The following PLXNC1 variants were observed in gnomAD, a reference collection of about 807,000 sequenced individuals.
The protein encoded by PLXNC1 is plexin-C1.
In PLXNC1, 75 loss-of-function variants were observed where a neutral mutation model predicts 178.2. The ratio of observed to expected loss-of-function variants is 0.42; its 90% CI spans 0.35 to 0.51. PLXNC1 has a LOEUF of 0.51. Ranked by LOEUF, PLXNC1 falls within the 20% of genes least tolerant of loss-of-function variation. The pLI, the probability that PLXNC1 is intolerant of heterozygous loss-of-function variation, is 0.02. For synonymous variants in PLXNC1, 790 were observed against 779.9 expected, an observed-to-expected ratio of 1.01 and a Z score of -0.22; for missense variants, 1,503 against 1,984.4, an observed-to-expected ratio of 0.76 and a Z score of 4.61.
chr12:94,290,882 G>A (rs1038234685), intron 23 of PLXNC1, among the ~76,000 whole-genome samples: 4 of 152,222 alleles, frequency 2.6e-5, no homozygotes, highest in African/African-American at 9.6e-5. Context: ...CAGTCCTCCA[G>A]AAACAGTTCC....
chr12:94,152,122 A>C (rs3847799), intron 1 of PLXNC1, among the ~76,000 whole-genome samples: 120,513 of 152,170 alleles, frequency 0.79, 47,822 homozygotes, highest in East Asian at 0.95. Context: ...CAGCCAAGTT[A>C]AATAATATAC....
At chr12:94,232,530 G>C (rs1964133669) in intron 9 of PLXNC1, among the ~76,000 whole-genome samples, 1 of 152,176 alleles carries the variant, frequency 6.6e-6, no homozygotes, top group Non-Finnish European at 1.5e-5. Context: ...ATAGAGCCGG[G>C]TACTGTAGAA....
rs183214640 is a variant in PLXNC1, at chr12:94,235,848, C to T, written c.1981-1816C>T. On this transcript the variant is annotated intron_variant, in intron 9 of 30. Transcript: ENST00000258526. ...AAAGCAGGTAGCGGGCAGGATCTGGCCCACAGACTATAGTTTGCCAACTCC... is the reference window on the plus strand; with the variant it reads ...AAAGCAGGTAGCGGGCAGGATCTGGTCCACAGACTATAGTTTGCCAACTCC... Among the ~76,000 whole-genome samples, 258 of 152,194 alleles carry T rather than the reference C, an allele frequency of 1.7e-3. 1 individual carries two copies. The highest frequency in any genetic ancestry group is 6.1e-3 in the African/African-American group (253 of 41,534).
chr12:94,271,776 T>C (rs1476829686), intron 21 of PLXNC1, among the ~76,000 whole-genome samples: 1 of 152,242 alleles, frequency 6.6e-6, no homozygotes, highest in Non-Finnish European at 1.5e-5. Context: ...AGGTGTGCTT[T>C]TCTCTTGTCT....
intron 23 of PLXNC1, among the ~76,000 whole-genome samples, chr12:94,284,114 G>T (rs749789143): frequency 6.7e-6 from 1 of 149,548 alleles, no homozygotes; most frequent in Non-Finnish European, 1.5e-5. Context: ...AAAAAGCAGG[G>T]TTTGCAAAAT....
intron 5 of PLXNC1, among the ~76,000 whole-genome samples, chr12:94,219,620 A>G (rs552945707): frequency 2.0e-5 from 3 of 152,304 alleles, no homozygotes; most frequent in Non-Finnish European, 4.4e-5. Flanking sequence ...CAAACAATAG[A>G]TTAGGAGAAA....
At chr12:94,186,234 C>A in intron 3 of PLXNC1, 139 bp from the exon 4 acceptor site, 1 of 620,942 alleles carries the variant, frequency 1.6e-6, no homozygotes, top group Non-Finnish European at 3.0e-6. Context: ...ATCTTGAGAC[C>A]CACTGCCCAG....
At chr12:94,220,636 A>G (rs1248150502) in intron 6 of PLXNC1, among the ~76,000 whole-genome samples, 1 of 151,486 alleles carries the variant, frequency 6.6e-6, no homozygotes, top group Non-Finnish European at 1.5e-5. Flanking sequence ...CCTTGCCCCT[A>G]AAAAAAAGAC....
At chr12:94,190,388 G>A (rs770512608) in intron 4 of PLXNC1, among the ~76,000 whole-genome samples, 3 of 152,164 alleles carry the variant, frequency 2.0e-5, no homozygotes, top group Admixed American at 6.5e-5. Flanking sequence ...GACCACAGGT[G>A]TGCACCACCA....
intron 23 of PLXNC1, among the ~76,000 whole-genome samples, chr12:94,284,597 G>A (rs1966708497): frequency 1.3e-5 from 2 of 152,020 alleles, no homozygotes; most frequent in South Asian, 2.1e-4. Context: ...GCAGTCCTAC[G>A]AGATAGGTAC....
chr12:94,177,177 G>T (rs1170260250), intron 2 of PLXNC1, among the ~76,000 whole-genome samples: 1 of 61,954 alleles, frequency 1.6e-5, no homozygotes, highest in Non-Finnish European at 3.0e-5. Context: ...ATATATATAC[G>T]TATATATATG....
intron 4 of PLXNC1, among the ~76,000 whole-genome samples, chr12:94,190,084 C>A (rs934000670): frequency 5.3e-5 from 8 of 152,032 alleles, no homozygotes; most frequent in Admixed American, 3.9e-4. Flanking sequence ...AATAGGACAG[C>A]TAGATGAGGG....
intron 4 of PLXNC1, among the ~76,000 whole-genome samples, chr12:94,198,161 TGTG>T (rs1284162733): frequency 1.3e-5 from 2 of 151,972 alleles, no homozygotes; most frequent in Non-Finnish European, 2.9e-5. Context: ...ATAAAGAAAA[TGTG>T]GTACATATGT....
chr12:94,257,040 A>G (rs1355129509), intron 17 of PLXNC1, among the ~76,000 whole-genome samples: 2 of 152,242 alleles, frequency 1.3e-5, no homozygotes, highest in Non-Finnish European at 2.9e-5. Context: ...TAAATTTGTC[A>G]GAACCCTTTC....
chr12:94,242,094 A>G (rs559804629), intron 11 of PLXNC1, among the ~76,000 whole-genome samples: 1 of 152,160 alleles, frequency 6.6e-6, no homozygotes, highest in African/African-American at 2.4e-5. Flanking sequence ...AGAGGTGGCT[A>G]TATTAGTTTG....
rs1960816062 is a variant in PLXNC1, at chr12:94,148,679, C to A, written c.-293C>A. On this transcript the variant is annotated 5_prime_UTR_variant, in exon 1 of 31. Transcript: ENST00000258526. The surrounding 1 kb of genome is among the most constrained non-coding windows in gnomAD (Gnocchi z 4.8). ...CCCTCCCTTCCCCTCCGCGCCTCCCCGCGAGCGCCAGCGCTGCACACAGGA... is the reference window on the plus strand; with the variant it reads ...CCCTCCCTTCCCCTCCGCGCCTCCCAGCGAGCGCCAGCGCTGCACACAGGA... 1 of 151,840 alleles carries A rather than the reference C, an allele frequency of 6.6e-6. No homozygotes were observed. The highest frequency in any genetic ancestry group is 1.5e-5 in the Non-Finnish European group (1 of 67,942). The allele number at this position is 151,840 out of a possible 1,614,324, so 9.4% of individuals were successfully genotyped here.
rs925776827 is a variant in PLXNC1, at chr12:94,307,476, CA to C, written c.*2192del. The C allele has an allele frequency of 6.6e-5, 10 of 152,172 alleles. No homozygotes were observed. Among genetic ancestry groups the C allele is most frequent in the African/African-American group, 2.4e-4 (10 of 41,456 alleles). The allele number at this position is 152,172 out of a possible 1,614,324, so 9.4% of individuals were successfully genotyped here. A position where few individuals can be genotyped will look rare whatever the true frequency, so the allele number is the denominator to read the frequency against. Reference sequence around the variant, plus strand: ...CAATTTCTATTTTCAAGTTTCTTTGCATATTTTTTTGGTGCAAAACCATTTA... The same window carrying C: ...CAATTTCTATTTTCAAGTTTCTTTGCTATTTTTTTGGTGCAAAACCATTTA... On this transcript the variant is annotated 3_prime_UTR_variant, in exon 31 of 31. Coordinates refer to ENST00000258526, the MANE Select transcript of PLXNC1 (RefSeq NM_005761.3).
intron 14 of PLXNC1, among the ~76,000 whole-genome samples, chr12:94,250,209 T>C (rs771151163): frequency 5.3e-5 from 8 of 152,084 alleles, no homozygotes; most frequent in Non-Finnish European, 1.0e-4. Flanking sequence ...AGAGAGTTCA[T>C]GGAGACAACA....
chr12:94,271,385 G>A (rs910623978), intron 21 of PLXNC1, among the ~76,000 whole-genome samples: 1 of 152,226 alleles, frequency 6.6e-6, no homozygotes, highest in East Asian at 1.9e-4. Context: ...CTGTTCCCCT[G>A]CCCTTGATTC....
Sources: gnomAD v4.1 joint callset for allele counts (sites outside exome capture counted in the v4.1 genomes callset) on GRCh38, gnomAD v4.1.1 for gene constraint, Gnocchi (gnomAD v3.1) non-coding constraint, MANE v1.5 for transcripts, NCBI Gene and HGNC (gene_info 2026-07-23, HGNC 2026-07-21) for gene names.